Variants in PPFIA2 observed in about 807,000 individuals in gnomAD.
The protein encoded by PPFIA2 is PPFI scaffold protein A2, also known as liprin-alpha-2.
Under a neutral mutation model 175.5 loss-of-function variants are expected in PPFIA2, and 46 were observed. That is an observed-to-expected ratio of 0.26 (90% confidence interval 0.21 to 0.34). The LOEUF (loss-of-function observed/expected upper bound fraction) is 0.34. PPFIA2 is among the 10% of genes least tolerant of loss of function. The pLI, the probability that PPFIA2 is intolerant of heterozygous loss-of-function variation, is 1.00. For synonymous variants in PPFIA2, 568 were observed against 511.4 expected, an observed-to-expected ratio of 1.11 and a Z score of -1.49; for missense variants, 1,179 against 1,506.1, an observed-to-expected ratio of 0.78 and a Z score of 3.60.
rs1361188196 is a variant in PPFIA2 at position 81,750,168 on chromosome 12, T to A, written c.249+3805A>T. Among the ~76,000 whole-genome samples, 2 of 143,390 alleles carry A rather than the reference T, an allele frequency of 1.4e-5. 1 individual carries two copies. Among genetic ancestry groups the A allele is most frequent in the Admixed American group, 1.5e-4 (2 of 13,522 alleles). 94.1% of individuals were successfully genotyped at this position (143,390 alleles called of 152,430 possible). On this transcript the variant is annotated intron_variant, in intron 3 of 32. Coordinates refer to ENST00000549396, the MANE Select transcript of PPFIA2 (RefSeq NM_003625.5). ...ATGGGAAATTAACCAGACAAAGACA[T>A]TGAGGAAAAACATTATAGGTAGAGA...
chr12:81,344,798 T>A, intron 18 of PPFIA2, 105 bp from the exon 19 acceptor site: 1 of 784,606 alleles, frequency 1.3e-6, no homozygotes. Flanking sequence ...ACTATCATTT[T>A]TTTCTTCATT....
At chr12:81,655,908 T>C (rs926413345) in intron 4 of PPFIA2, among the ~76,000 whole-genome samples, 2 of 152,072 alleles carry the variant, frequency 1.3e-5, no homozygotes, top group African/African-American at 4.8e-5. Flanking sequence ...CTTTTGATTC[T>C]GTTAATTTTT....
At chr12:81,714,633 T>C (rs1033858055) in intron 3 of PPFIA2, among the ~76,000 whole-genome samples, 2 of 150,940 alleles carry the variant, frequency 1.3e-5, no homozygotes, top group Admixed American at 6.8e-5. Context: ...CTTGGATATG[T>C]TGATATTTTG....
At chr12:81,366,966 A>C in intron 14 of PPFIA2, 142 bp downstream of exon 14, 3 of 987,640 alleles carry the variant, frequency 3.0e-6, no homozygotes, top group Non-Finnish European at 4.1e-6. Flanking sequence ...GCTTTTCTGC[A>C]CATATTCTAA....
chr12:81,429,707 C>A (rs2047753349), intron 7 of PPFIA2, among the ~76,000 whole-genome samples: 1 of 152,124 alleles, frequency 6.6e-6, no homozygotes, highest in South Asian at 2.1e-4. Context: ...TCAAAGACAA[C>A]TTTAGCTCAA....
intron 4 of PPFIA2, among the ~76,000 whole-genome samples, chr12:81,668,727 G>A (rs940835913): frequency 6.6e-6 from 1 of 151,958 alleles, no homozygotes; most frequent in Non-Finnish European, 1.5e-5. Flanking sequence ...CAGGACTGAT[G>A]CTGCCATTAT....
In PPFIA2 at chr12:81,380,962, C is replaced by CTGTGTGTG. The variant is rs71098139; in HGVS notation, c.984+3053_984+3060dup. Among the ~76,000 whole-genome samples, 63 of 137,554 alleles carry CTGTGTGTG rather than the reference C, an allele frequency of 4.6e-4. 1 individual carries two copies. In the Middle Eastern group the frequency reaches 0.015, roughly 32 times the overall value. 90.2% of individuals were successfully genotyped at this position (137,554 alleles called of 152,430 possible). A position where few individuals can be genotyped will look rare whatever the true frequency, so the allele number is the denominator to read the frequency against. On this transcript the variant is annotated intron_variant, in intron 9 of 32. Coordinates refer to ENST00000549396, the MANE Select transcript of PPFIA2 (RefSeq NM_003625.5). ...ATTCGTTTATTTAGCTTTCACAGTG[C>CTGTGTGTG]TGTGTGTGTGTGTGTGTGTGTGTGT...
In PPFIA2 at chr12:81,565,368, A is replaced by T. The variant is rs112745694; in HGVS notation, c.304-107502T>A. Among the ~76,000 whole-genome samples, 1,321 of 152,234 alleles carry T rather than the reference A, an allele frequency of 8.7e-3. 14 individuals are homozygous for T. Among genetic ancestry groups the T allele is most frequent in the African/African-American group, 0.03 (1,253 of 41,532 alleles). ...CCGTGCTGGATGCTTCCTGCCCTCG[A>T]ATATCAGACTCCAAGTTCTTCAGTT... On this transcript the variant is annotated intron_variant, in intron 4 of 32. Transcript: ENST00000549396.
intron 3 of PPFIA2, among the ~76,000 whole-genome samples, chr12:81,707,854 G>T (rs955323136): frequency 6.6e-6 from 1 of 150,836 alleles, no homozygotes; most frequent in African/African-American, 2.4e-5. Context: ...AAAAAATGAT[G>T]AGTTCATGTC....
At position 81,478,736 on chromosome 12, in the gene PPFIA2, T is replaced by A. The variant is rs530888557; in HGVS notation, c.304-20870A>T. Among the ~76,000 whole-genome samples the A allele has an allele frequency of 5.9e-5, 9 of 152,308 alleles. No individual in the cohort carries two copies. The South Asian group carries it at 1.9e-3, about 32-fold the overall frequency. On this transcript the variant is annotated intron_variant, in intron 4 of 32. Transcript: ENST00000549396. ...ATGTAGTTGTGTGGTTTTAAGTCAG[T>A]TTCTTAATCCTGAGTTCTAATTTAA...
At chr12:81,710,097 T>G (rs1025075609) in intron 3 of PPFIA2, among the ~76,000 whole-genome samples, 31 of 152,188 alleles carry the variant, frequency 2.0e-4, no homozygotes, top group African/African-American at 6.7e-4. Context: ...CTAAGATCTA[T>G]TCACATATTA....
intron 3 of PPFIA2, among the ~76,000 whole-genome samples, chr12:81,747,788 G>T (rs750111037): frequency 1.4e-5 from 2 of 143,792 alleles, no homozygotes; most frequent in Non-Finnish European, 3.1e-5. Context: ...ATAATCTGTT[G>T]CTCTCTATAA....
At chr12:81,535,037 T>G (rs758617179) in intron 4 of PPFIA2, among the ~76,000 whole-genome samples, 4 of 151,718 alleles carry the variant, frequency 2.6e-5, no homozygotes, top group Non-Finnish European at 5.9e-5. Flanking sequence ...ACAAGAAGAT[T>G]TCAAATATGT....
chr12:81,735,075 T>C (rs1234181822), intron 3 of PPFIA2, among the ~76,000 whole-genome samples: 1 of 151,878 alleles, frequency 6.6e-6, no homozygotes, highest in Admixed American at 6.6e-5. Context: ...GGATATTTGT[T>C]ATTATGAATA....
chr12:81,731,087 T>C (rs1430587854), intron 3 of PPFIA2, among the ~76,000 whole-genome samples: 1 of 151,692 alleles, frequency 6.6e-6, no homozygotes, highest in African/African-American at 2.4e-5. Context: ...TCACTTCCAC[T>C]GCTACGCACT....
intron 4 of PPFIA2, among the ~76,000 whole-genome samples, chr12:81,582,828 C>T (rs962710937): frequency 9.9e-5 from 15 of 151,786 alleles, no homozygotes; most frequent in African/African-American, 3.4e-4. Context: ...TGGGAATCAT[C>T]ATTGAATAAA....
At chr12:81,478,922 G>A (rs1039724347) in intron 4 of PPFIA2, among the ~76,000 whole-genome samples, 2 of 152,146 alleles carry the variant, frequency 1.3e-5, no homozygotes, top group African/African-American at 2.4e-5. Context: ...TTCTGTGGAT[G>A]TCTATTGAGT....
chr12:81,347,613 G>A lies in PPFIA2; in HGVS notation c.2152C>T (p.Pro718Ser), dbSNP rs762630452. 6.2e-7 allele frequency: 1 copy of A among 1,613,786 alleles called. No individual in the cohort carries two copies. ...TTTGGAGTTGAGTGTCCACTGGGGG[G>A]AGATGAACTGGCCAGCGATGAAGCT... ...VTASSLASSS[P>S]PSGHSTPKLT... Residue 718 changes from proline (P) to serine (S), a missense_variant, in exon 18 of 33, where the codon CCC becomes TCC. Coordinates refer to ENST00000549396, the MANE Select transcript of PPFIA2 (RefSeq NM_003625.5).
intron 4 of PPFIA2, among the ~76,000 whole-genome samples, chr12:81,501,341 G>A (rs181396974): frequency 6.6e-6 from 1 of 151,928 alleles, no homozygotes; most frequent in East Asian, 1.9e-4. Flanking sequence ...TCTCATCAAG[G>A]CATTCTCTGA....
Sources: gnomAD v4.1 joint callset for allele counts (sites outside exome capture counted in the v4.1 genomes callset) on GRCh38, gnomAD v4.1.1 for gene constraint, MANE v1.5 for transcripts, NCBI Gene and HGNC (gene_info 2026-07-23, HGNC 2026-07-21) for gene names.